Variants in RCAN3 observed in about 807,000 individuals in gnomAD.
RCAN3 encodes regulator of calcineurin 3.
Under a neutral mutation model 21.9 loss-of-function variants are expected in RCAN3, and 19 were observed. The ratio of observed to expected loss-of-function variants is 0.87; its 90% CI spans 0.61 to 1.27. The LOEUF (loss-of-function observed/expected upper bound fraction) is 1.27, where lower values mean the gene tolerates loss of function less well. Ranked by LOEUF, RCAN3 falls within the 50% of genes most tolerant of loss-of-function variation. RCAN3 has a pLI of 0.00. For missense variants in RCAN3, 240 were observed against 300.1 expected (o/e 0.80, Z 1.48); for synonymous variants, 114 against 112.3 (o/e 1.01, Z -0.09).
chr1:24,521,158 A>G (rs942487709), intron 2 of RCAN3, among the ~76,000 whole-genome samples: 10 of 152,354 alleles, frequency 6.6e-5, no homozygotes, highest in South Asian at 2.1e-4. Context: ...ACCTTTGTAT[A>G]TATGGTCAAA....
chr1:24,504,655 C>T (rs941630728), intron 1 of RCAN3, among the ~76,000 whole-genome samples: 18 of 152,090 alleles, frequency 1.2e-4, no homozygotes, highest in South Asian at 2.1e-4. Context: ...AATAGTGTGA[C>T]GCGGAAATCC....
chr1:24,505,225 C>CTTTTTTTTTTTTTT (rs1351108344), intron 1 of RCAN3, among the ~76,000 whole-genome samples: 2 of 109,564 alleles, frequency 1.8e-5, no homozygotes, highest in Non-Finnish European at 1.8e-5. Context: ...TTTTTTTTCT[C>CTTTTTTTTTTTTTT]TTTTTTCTTT....
chr1:24,532,230 A>AT (rs1304792466), intron 3 of RCAN3, among the ~76,000 whole-genome samples: 3 of 151,060 alleles, frequency 2.0e-5, no homozygotes, highest in Non-Finnish European at 4.4e-5. Context: ...TATTATTTTT[A>AT]TTTTTTTATT....
intron 3 of RCAN3, among the ~76,000 whole-genome samples, chr1:24,532,513 C>T (rs1649847203): frequency 6.7e-6 from 1 of 149,818 alleles, no homozygotes; most frequent in African/African-American, 2.4e-5. Flanking sequence ...AGGTGTGAGC[C>T]ACCACACCTG....
chr1:24,527,117 T>C (rs931158591), intron 2 of RCAN3, among the ~76,000 whole-genome samples: 35 of 152,160 alleles, frequency 2.3e-4, no homozygotes, highest in Non-Finnish European at 4.4e-4. Context: ...CTGCAACCTC[T>C]GCCTCCCAGG....
chr1:24,517,323 G>T (rs1314334605), intron 2 of RCAN3, among the ~76,000 whole-genome samples: 1 of 152,056 alleles, frequency 6.6e-6, no homozygotes, highest in African/African-American at 2.4e-5. Flanking sequence ...CACCACATTG[G>T]CCAGGCTGGT....
Position 24,531,225 on chromosome 1 carries a change from T to G in RCAN3, c.203T>G (p.Phe68Cys). Residue 68 changes from phenylalanine (F) to cysteine (C), a missense_variant, in exon 3 of 5, where the codon TTT becomes TGT. Coordinates refer to ENST00000374395, the MANE Select transcript of RCAN3 (RefSeq NM_013441.4). ...VFEAREQKERFEALFTIYDDQ... is the reference protein window; with the variant it reads ...VFEAREQKERCEALFTIYDDQ... ...GCTGCTCCTTAATTGTAGGAAAGAT[T>G]TGAAGCACTCTTCACCATCTATGAT... 3 of 1,552,916 alleles carry G rather than the reference T, an allele frequency of 1.9e-6. No individual in the cohort carries two copies. Among genetic ancestry groups the G allele is most frequent in the Non-Finnish European group, 2.6e-6 (3 of 1,144,314 alleles).
chr1:24,534,692 C>T (rs905213405), intron 4 of RCAN3, among the ~76,000 whole-genome samples: 5 of 151,926 alleles, frequency 3.3e-5, no homozygotes, highest in African/African-American at 7.3e-5. Flanking sequence ...CCCAACTACT[C>T]GGGAGGCTAA....
chr1:24,529,351 G>A (rs196418), intron 2 of RCAN3, among the ~76,000 whole-genome samples: 80,167 of 150,612 alleles, frequency 0.53, 21,815 homozygotes, highest in East Asian at 0.74. Context: ...TCAGGAGTTT[G>A]AGACCAGCCT....
At chr1:24,506,030 A>G (rs1163564295) in intron 1 of RCAN3, among the ~76,000 whole-genome samples, 1 of 152,150 alleles carries the variant, frequency 6.6e-6, no homozygotes, top group Non-Finnish European at 1.5e-5. Context: ...CCATGAAGAA[A>G]CAATTTGCCA....
rs1202906668 is a variant in RCAN3 at position 24,531,201 on chromosome 1, C to T, written c.196-17C>T. ...TTTTCCTCCCCTTCCCTTTGCCTTGCTGCTCCTTAATTGTAGGAAAGATTT... is the reference window on the plus strand; with the variant it reads ...TTTTCCTCCCCTTCCCTTTGCCTTGTTGCTCCTTAATTGTAGGAAAGATTT... On this transcript the variant is annotated splice_polypyrimidine_tract_variant and intron_variant, in intron 2 of 4. Transcript: ENST00000374395. 8.9e-6 allele frequency: 13 copies of T among 1,461,296 alleles called. No homozygotes were observed. The highest frequency in any genetic ancestry group is 1.4e-5 in the African/African-American group (1 of 69,720). The allele number at this position is 1,461,296 out of a possible 1,614,324, so 90.5% of individuals were successfully genotyped here. A position where few individuals can be genotyped will look rare whatever the true frequency, so the allele number is the denominator to read the frequency against.
intron 1 of RCAN3, among the ~76,000 whole-genome samples, chr1:24,509,856 C>T (rs1394993669): frequency 2.6e-5 from 4 of 152,162 alleles, no homozygotes; most frequent in Non-Finnish European, 1.5e-5. Flanking sequence ...TGTATACTTA[C>T]GAAATGTATT....
At chr1:24,533,668 C>CGG (rs1649981461) in intron 4 of RCAN3, among the ~76,000 whole-genome samples, 1 of 152,126 alleles carries the variant, frequency 6.6e-6, no homozygotes, top group East Asian at 1.9e-4. Flanking sequence ...GGCATGGTGG[C>CGG]GTACGCCTAT....
intron 2 of RCAN3, among the ~76,000 whole-genome samples, chr1:24,523,887 A>G (rs994570404): frequency 6.6e-6 from 1 of 152,222 alleles, no homozygotes; most frequent in African/African-American, 2.4e-5. Context: ...GCTAAACTGT[A>G]TGCTAAAACA....
At chr1:24,507,073 C>T (rs766638730) in intron 1 of RCAN3, among the ~76,000 whole-genome samples, 20 of 152,170 alleles carry the variant, frequency 1.3e-4, no homozygotes, top group African/African-American at 2.2e-4. Flanking sequence ...TATCATTTCC[C>T]TGCCTAAAAA....
chr1:24,519,621 T>A (rs924103830), intron 2 of RCAN3, among the ~76,000 whole-genome samples: 2 of 152,198 alleles, frequency 1.3e-5, no homozygotes, highest in Non-Finnish European at 2.9e-5. Flanking sequence ...ATTTGATTTG[T>A]GTTTCTGATT....
rs112443541 is a variant in RCAN3 at position 24,514,253 on chromosome 1, T to C, written c.-59-61T>C. 3.6e-5 allele frequency: 28 copies of C among 775,506 alleles called. 1 individual carries two copies. Among genetic ancestry groups the C allele is most frequent in the African/African-American group, 2.9e-4 (16 of 56,120 alleles). The allele number at this position is 775,506 out of a possible 1,614,324, so 48.0% of individuals were successfully genotyped here. A position where few individuals can be genotyped will look rare whatever the true frequency, so the allele number is the denominator to read the frequency against. On this transcript the variant is annotated intron_variant, in intron 1 of 4. Transcript: ENST00000374395. Reference sequence around the variant, plus strand: ...ATGAATTGCAGCCTGGAGACATTGATTGATTGGAACATTATTTGGTCTTCG... The same window carrying C: ...ATGAATTGCAGCCTGGAGACATTGACTGATTGGAACATTATTTGGTCTTCG...
intron 2 of RCAN3, 95 bp downstream of exon 2, chr1:24,514,662 T>G: frequency 8.0e-7 from 1 of 1,252,152 alleles, no homozygotes; most frequent in South Asian, 1.5e-5. Flanking sequence ...ACAAATTAAG[T>G]ATAGAAAGTG....
intron 4 of RCAN3, 128 bp downstream of exon 4, chr1:24,533,382 T>C: frequency 1.5e-6 from 1 of 679,430 alleles, no homozygotes; most frequent in African/African-American, 1.9e-5. Context: ...TGGGTTCAGA[T>C]TCCAGCTGTG....
Sources: gnomAD v4.1 joint callset for allele counts (sites outside exome capture counted in the v4.1 genomes callset) on GRCh38, gnomAD v4.1.1 for gene constraint, MANE v1.5 for transcripts, NCBI Gene and HGNC (gene_info 2026-07-23, HGNC 2026-07-21) for gene names.